The following LRRK1 variants were observed in gnomAD, a reference collection of about 807,000 sequenced individuals.
LRRK1 encodes the protein leucine-rich repeat serine/threonine-protein kinase 1.
LRRK1 carries 113 observed loss-of-function variants against 209.1 expected under a neutral mutation model. That is an observed-to-expected ratio of 0.54 (90% CI 0.46 to 0.63). The LOEUF (loss-of-function observed/expected upper bound fraction) is 0.63, where lower values mean the gene tolerates loss of function less well. Among genes scored for constraint, LRRK1 ranks in the 30% least tolerant of loss-of-function variants. LRRK1 has a pLI of 0.00. For missense variants in LRRK1, 2,284 were observed against 2,632.2 expected (o/e 0.87, Z 2.89); for synonymous variants, 1,144 against 1,099.7 (o/e 1.04, Z -0.80).
chr15:100,988,392 T>G (rs1282566635), intron 4 of LRRK1, among the ~76,000 whole-genome samples: 1 of 152,208 alleles, frequency 6.6e-6, no homozygotes, highest in African/African-American at 2.4e-5. Context: ...AGTGATAACA[T>G]GCAGTATTTG....
intron 2 of LRRK1, among the ~76,000 whole-genome samples, chr15:100,938,340 AG>A (rs1169478267): frequency 3.3e-5 from 5 of 152,130 alleles, no homozygotes; most frequent in Admixed American, 6.5e-5. Context: ...TGGGATACAG[AG>A]TGATACTTGG....
intron 29 of LRRK1, among the ~76,000 whole-genome samples, chr15:101,059,542 C>T (rs112220817): frequency 0.011 from 1,663 of 146,748 alleles, 25 homozygotes; most frequent in African/African-American, 0.038. Flanking sequence ...ATGATTGTTA[C>T]TCTAAGATGC....
At chr15:100,958,105 C>T (rs1316826854) in intron 2 of LRRK1, among the ~76,000 whole-genome samples, 2 of 152,232 alleles carry the variant, frequency 1.3e-5, no homozygotes, top group African/African-American at 4.8e-5. Context: ...ATCTGCCCGC[C>T]TTAGCCTCCC....
chr15:100,955,163 T>C (rs1206273347), intron 2 of LRRK1, among the ~76,000 whole-genome samples: 2 of 152,220 alleles, frequency 1.3e-5, no homozygotes, highest in African/African-American at 2.4e-5. Context: ...CATTTATTTG[T>C]GTCTTTTTCA....
chr15:100,943,102 C>T (rs547678309), intron 2 of LRRK1, among the ~76,000 whole-genome samples: 1 of 152,258 alleles, frequency 6.6e-6, no homozygotes, highest in East Asian at 1.9e-4. Context: ...GACTCCTGGG[C>T]CTAAGGCAAC....
At chr15:101,043,843 A>G (rs1462807987) in intron 20 of LRRK1, 1 of 152,248 alleles carries the variant, frequency 6.6e-6, no homozygotes, top group Non-Finnish European at 1.5e-5. Flanking sequence ...ACCAGCAGAA[A>G]GAAACAGTAG....
intron 26 of LRRK1, among the ~76,000 whole-genome samples, chr15:101,054,221 A>C (rs1317031439): frequency 1.3e-5 from 2 of 152,040 alleles, no homozygotes; most frequent in Non-Finnish European, 2.9e-5. Context: ...CGATCCCCCC[A>C]CTTTAGCCTC....
chr15:100,941,166 ATGTG>A (rs953860701), intron 2 of LRRK1, among the ~76,000 whole-genome samples: 2 of 139,670 alleles, frequency 1.4e-5, no homozygotes, highest in African/African-American at 2.7e-5. Context: ...CTGCATATCT[ATGTG>A]TGTGTCTGTG....
intron 9 of LRRK1, 89 bp from the exon 10 acceptor site, chr15:101,011,919 T>G: frequency 1.1e-6 from 1 of 936,834 alleles, no homozygotes; most frequent in South Asian, 1.6e-5. Flanking sequence ...TGGTCCATTT[T>G]TAACATCAAA....
At chr15:100,926,672 CTTTTT>C (rs1441760864) in intron 2 of LRRK1, among the ~76,000 whole-genome samples, 2 of 128,664 alleles carry the variant, frequency 1.6e-5, no homozygotes, top group Admixed American at 1.7e-4. Context: ...TTTTTCTTTT[CTTTTT>C]TTCTTTTTTT....
chr15:101,053,355 T>C lies in LRRK1; in HGVS notation c.3989T>C (p.Leu1330Pro). The C allele has an allele frequency of 6.2e-7, 1 of 1,602,658 alleles. No homozygotes were observed. The change falls in exon 26 of 34, where the codon CTC (leucine) becomes CCC (proline). Residue 1330 changes from leucine (L) to proline (P), a missense_variant. Around this residue, in one of 6 missense-constraint regions of LRRK1, gnomAD observed 780 missense variants for 985.2 expected, o/e 0.79. Transcript: ENST00000388948. The part of the protein sequence containing the change: ...VALIGISIHP[L>P]CFALELAPLS... ...CTCATCGGCATCAGCATCCACCCGC[T>C]CTGCTTCGCCCTGGAGCTCGCGCCG...
chr15:101,010,946 C>A, intron 9 of LRRK1, 109 bp downstream of exon 9: 7 of 953,804 alleles, frequency 7.3e-6, no homozygotes, highest in Non-Finnish European at 1.1e-5. Context: ...GCAGCGAAGC[C>A]GGGTAGAAGG....
Position 100,924,508 on chromosome 15 carries a change from C to A in LRRK1, c.-122-3C>A. The A allele has an allele frequency of 1.4e-6, 1 of 728,380 alleles. No homozygotes were observed. The highest frequency in any genetic ancestry group is 2.4e-6 in the Non-Finnish European group (1 of 424,576). The allele number at this position is 728,380 out of a possible 1,614,324, so 45.1% of individuals were successfully genotyped here. On this transcript the variant is annotated splice_region_variant and splice_polypyrimidine_tract_variant and intron_variant, in intron 1 of 33. Transcript: ENST00000388948. ...TTCTGTTTTGATTGTTTTTCGCCAC[C>A]AGAGCAAGAAAGCTTTCTGCTCAGC...
intron 31 of LRRK1, chr15:101,065,125 C>G (rs551107300): frequency 1.7e-6 from 1 of 589,836 alleles, no homozygotes; most frequent in South Asian, 2.1e-5. Context: ...CTGGGTGGCA[C>G]ATTCCTTTCT....
intron 4 of LRRK1, among the ~76,000 whole-genome samples, chr15:100,987,572 A>G (rs1382961296): frequency 2.0e-5 from 3 of 152,178 alleles, no homozygotes; most frequent in Non-Finnish European, 4.4e-5. Flanking sequence ...TCATGAAAGT[A>G]ATATATGTAT....
chr15:100,971,974 T>TA (rs2030913949), intron 2 of LRRK1, among the ~76,000 whole-genome samples: 1 of 151,830 alleles, frequency 6.6e-6, no homozygotes, highest in Non-Finnish European at 1.5e-5. Context: ...AGAATTTTTT[T>TA]TTTTTTTAGA....
chr15:101,049,428 T>C, intron 22 of LRRK1: 1 of 501,518 alleles, frequency 2.0e-6, no homozygotes, highest in Non-Finnish European at 3.5e-6. Context: ...CTGACTGCAA[T>C]CTTCCTCGTG....
chr15:101,061,214 C>T lies in LRRK1; in HGVS notation c.4723C>T (p.Gln1575Ter). The T allele has an allele frequency of 6.2e-7, 1 of 1,614,130 alleles. No individual in the cohort carries two copies. Among genetic ancestry groups the T allele is most frequent in the East Asian group, 2.2e-5 (1 of 44,874 alleles). Residue 1575 changes from glutamine (Q) to a stop codon, truncating the protein, a stop_gained, in exon 30 of 34, where the codon CAG (glutamine) becomes TAG (stop). Coordinates refer to ENST00000388948, the MANE Select transcript of LRRK1 (RefSeq NM_024652.6). LOFTEE classifies it high-confidence loss of function. ...VNTEKGLMEV[Q>*]RMCCPGMKVS... ...CACAGAGAAGGGCCTCATGGAGGTG[C>T]AGAGGATGTGCTGCCCTGGGATGAA... is the stretch of plus-strand genomic sequence containing the variant.
intron 29 of LRRK1, 22 bp from the exon 30 acceptor site, chr15:101,061,149 G>A: frequency 6.4e-7 from 1 of 1,568,460 alleles, no homozygotes; most frequent in Non-Finnish European, 8.7e-7. Context: ...GGCACTGACA[G>A]CACAGTTTCT....
Sources: allele counts gnomAD v4.1 joint callset (sites outside exome capture counted in the v4.1 genomes callset), GRCh38; gene constraint gnomAD v4.1.1; regional missense constraint gnomAD v4.1.1; transcripts MANE v1.5; gene names NCBI Gene and HGNC (gene_info 2026-07-23, HGNC 2026-07-21).